TXNL4A: variants seen among roughly 807,000 people sequenced by gnomAD.
The protein encoded by TXNL4A is thioredoxin like 4A, also known as thioredoxin-like protein 4A.
In TXNL4A, 17 loss-of-function variants were observed where a neutral mutation model predicts 14.6. The ratio of observed to expected loss-of-function variants is 1.16; its 90% CI spans 0.80 to 1.74. The LOEUF is 1.74. Among genes scored for constraint, TXNL4A ranks in the 40% most tolerant of loss-of-function variants. TXNL4A has a pLI of 0.00. For missense variants in TXNL4A, 74 were observed against 195.2 expected, an observed-to-expected ratio of 0.38 and a Z score of 3.70; for synonymous variants, 83 against 70.6, an observed-to-expected ratio of 1.18 and a Z score of -0.88.
intron 1 of TXNL4A, among the ~76,000 whole-genome samples, chr18:79,984,417 A>G (rs1568367020): frequency 6.6e-6 from 1 of 152,122 alleles, no homozygotes; most frequent in East Asian, 1.9e-4. Flanking sequence ...ATATGGCAAA[A>G]CCACATCTCT....
chr18:80,026,686 TG>T (rs1444431075), intron 1 of TXNL4A, among the ~76,000 whole-genome samples: 1 of 152,162 alleles, frequency 6.6e-6, no homozygotes, highest in Non-Finnish European at 1.5e-5. Flanking sequence ...CCCGTTTCAT[TG>T]GGTTCAGCTC....
At chr18:80,015,684 C>T (rs1227606363) in intron 1 of TXNL4A, among the ~76,000 whole-genome samples, 34 of 150,762 alleles carry the variant, frequency 2.3e-4, no homozygotes, top group African/African-American at 8.2e-4. Context: ...CTACAAAGGA[C>T]ATGAACTCAT....
rs2051307998 is a variant in TXNL4A, at chr18:79,972,084, G to A, written c.*1601C>T. 1 of 152,224 alleles carries A rather than the reference G, an allele frequency of 6.6e-6. No individual in the cohort carries two copies. Among genetic ancestry groups the A allele is most frequent in the Non-Finnish European group, 1.5e-5 (1 of 68,056 alleles). The allele number at this position is 152,224 out of a possible 1,614,324, so 9.4% of individuals were successfully genotyped here. The stretch of plus-strand genomic sequence containing the variant: ...CATTTGTACTGTATGTAAAAAATGT[G>A]CTTCATTCTGTAAGTACCCTCCCGT... On this transcript the variant is annotated 3_prime_UTR_variant, in exon 3 of 3. Coordinates refer to ENST00000269601, the MANE Select transcript of TXNL4A (RefSeq NM_006701.5).
chr18:80,015,272 CT>C (rs1342550246), intron 1 of TXNL4A, among the ~76,000 whole-genome samples: 1 of 151,866 alleles, frequency 6.6e-6, no homozygotes, highest in Non-Finnish European at 1.5e-5. Flanking sequence ...ATGGACTTTT[CT>C]TTTCTACTTC....
rs185123644 is a variant in TXNL4A, at chr18:79,986,187, G to A, written c.153+2053C>T. 3.3e-3 allele frequency among the ~76,000 whole-genome samples: 504 copies of A among 152,066 alleles called. 2 individuals carry two copies. The highest frequency in any genetic ancestry group is 3.9e-3 in the Non-Finnish European group (264 of 68,004). Reference sequence around the variant, plus strand: ...CCCAAGTAGCTGGGACTACAGGCACGTGCCACCACGCCCGGCATTTGTACT... The same window carrying A: ...CCCAAGTAGCTGGGACTACAGGCACATGCCACCACGCCCGGCATTTGTACT... On this transcript the variant is annotated intron_variant, in intron 1 of 2. Transcript: ENST00000269601.
intron 1 of TXNL4A, among the ~76,000 whole-genome samples, chr18:79,980,006 C>T (rs896179102): frequency 3.3e-5 from 5 of 152,152 alleles, no homozygotes; most frequent in African/African-American, 1.2e-4. Flanking sequence ...GTACTGCAGG[C>T]GTAATCAGTT....
At chr18:80,023,380 T>C (rs902112297) in intron 1 of TXNL4A, among the ~76,000 whole-genome samples, 2 of 152,116 alleles carry the variant, frequency 1.3e-5, no homozygotes, top group African/African-American at 4.8e-5. Context: ...GGGCTTCCCA[T>C]GGAGAAAAAT....
intron 1 of TXNL4A, chr18:79,995,270 A>G (rs185977307): frequency 2.6e-5 from 4 of 152,374 alleles, no homozygotes; most frequent in Admixed American, 2.0e-4. Context: ...CACAGTGGTC[A>G]GACATTGTAG....
At chr18:80,000,898 C>T (rs1207808090) in intron 1 of TXNL4A, among the ~76,000 whole-genome samples, 2 of 152,164 alleles carry the variant, frequency 1.3e-5, no homozygotes, top group Non-Finnish European at 2.9e-5. Context: ...AAGTGATCTG[C>T]CTGCCTTGGC....
intron 1 of TXNL4A, among the ~76,000 whole-genome samples, chr18:80,018,796 C>T (rs917389670): frequency 3.3e-5 from 5 of 152,176 alleles, no homozygotes; most frequent in Non-Finnish European, 7.4e-5. Context: ...TTTTTGAATG[C>T]TTTGCTTAGA....
At chr18:79,984,617 T>G (rs1418541775) in intron 1 of TXNL4A, among the ~76,000 whole-genome samples, 3 of 152,152 alleles carry the variant, frequency 2.0e-5, no homozygotes, top group Non-Finnish European at 4.4e-5. Flanking sequence ...CTGAGGAATT[T>G]TTTTGTTTTG....
intron 1 of TXNL4A, among the ~76,000 whole-genome samples, chr18:79,999,536 C>CAAAAA (rs1215965310): frequency 2.9e-5 from 1 of 34,490 alleles, no homozygotes; most frequent in Non-Finnish European, 6.8e-5. Context: ...GACTCCATCT[C>CAAAAA]AAAAAAAAAA....
intron 1 of TXNL4A, among the ~76,000 whole-genome samples, chr18:80,019,341 A>G (rs537412663): frequency 3.3e-5 from 5 of 152,216 alleles, no homozygotes; most frequent in Non-Finnish European, 7.3e-5. Context: ...ATGAGGAAGA[A>G]GCAAAAGCAA....
At chr18:79,996,320 A>G (rs1333846758) in intron 1 of TXNL4A, among the ~76,000 whole-genome samples, 1 of 152,154 alleles carries the variant, frequency 6.6e-6, no homozygotes, top group African/African-American at 2.4e-5. Context: ...TTGACACAGG[A>G]GTGGCTATAT....
intron 1 of TXNL4A, among the ~76,000 whole-genome samples, chr18:80,015,017 C>T (rs1255802698): frequency 6.6e-6 from 1 of 152,244 alleles, no homozygotes; most frequent in African/African-American, 2.4e-5. Flanking sequence ...CTTTCTGCCA[C>T]AGCTGGAGTG....
At chr18:80,013,002 G>A (rs373591473) in intron 1 of TXNL4A, among the ~76,000 whole-genome samples, 8 of 151,298 alleles carry the variant, frequency 5.3e-5, no homozygotes, top group South Asian at 2.1e-4. Flanking sequence ...TCGGGGTTTC[G>A]TACATAGCAG....
chr18:79,980,690 C>T (rs1183122240), intron 1 of TXNL4A, among the ~76,000 whole-genome samples: 1 of 152,206 alleles, frequency 6.6e-6, no homozygotes, highest in African/African-American at 2.4e-5. Flanking sequence ...ATCAGAACTC[C>T]AGCACAGGGC....
At position 79,973,650 on chromosome 18, in the gene TXNL4A, C is replaced by A; in HGVS notation, c.*35G>T. Reference sequence around the variant, plus strand: ...TTAAAACGTTTCCATACAAAAAGGGCTCCACGACATTTATCCGCGCAGACT... The same window carrying A: ...TTAAAACGTTTCCATACAAAAAGGGATCCACGACATTTATCCGCGCAGACT... On this transcript the variant is annotated 3_prime_UTR_variant, in exon 3 of 3. Coordinates refer to ENST00000269601, the MANE Select transcript of TXNL4A (RefSeq NM_006701.5). The A allele has an allele frequency of 1.3e-6, 2 of 1,576,846 alleles. No individual in the cohort carries two copies. Among genetic ancestry groups the A allele is most frequent in the Non-Finnish European group, 1.7e-6 (2 of 1,163,200 alleles).
chr18:80,003,310 G>A (rs1051843795), intron 1 of TXNL4A, among the ~76,000 whole-genome samples: 1 of 152,264 alleles, frequency 6.6e-6, no homozygotes. Flanking sequence ...GTCCTGTGCA[G>A]TGTGACACCC....
Sources: gnomAD v4.1 joint callset for allele counts (sites outside exome capture counted in the v4.1 genomes callset) on GRCh38, gnomAD v4.1.1 for gene constraint, MANE v1.5 for transcripts, NCBI Gene and HGNC (gene_info 2026-07-23, HGNC 2026-07-21) for gene names.